ITGB8: variants seen among roughly 807,000 people sequenced by gnomAD.
ITGB8 encodes the protein integrin beta-8.
ITGB8 carries 30 observed loss-of-function variants against 89.5 expected under a neutral mutation model. The observed-to-expected ratio is 0.34, with a 90% confidence interval of 0.25 to 0.45. The LOEUF is 0.45. ITGB8 is among the 20% of genes least tolerant of loss of function. The pLI, the probability that ITGB8 is intolerant of heterozygous loss-of-function variation, is 1.00. For missense variants in ITGB8, 836 were observed against 933.3 expected, an observed-to-expected ratio of 0.90 and a Z score of 1.36; for synonymous variants, 335 against 320.4, an observed-to-expected ratio of 1.05 and a Z score of -0.49.
intron 1 of ITGB8, among the ~76,000 whole-genome samples, chr7:20,333,313 T>C (rs1167146136): frequency 1.3e-5 from 2 of 152,170 alleles, no homozygotes; most frequent in African/African-American, 4.8e-5. Context: ...GATTTCAAAA[T>C]AGTGAAAAGG....
chr7:20,385,014 C>CT (rs1174751128), intron 6 of ITGB8, among the ~76,000 whole-genome samples: 9 of 152,258 alleles, frequency 5.9e-5, no homozygotes, highest in African/African-American at 1.9e-4. Context: ...TCTAAAATGG[C>CT]AGATGTTAAT....
At chr7:20,360,915 C>CTTTTTTTTTTTT (rs1167974755) in intron 1 of ITGB8, among the ~76,000 whole-genome samples, 8 of 80,884 alleles carry the variant, frequency 9.9e-5, no homozygotes, top group Non-Finnish European at 1.4e-4. Context: ...CAACTGCAGT[C>CTTTTTTTTTTTT]TTTTTTTTTT....
chr7:20,330,825 G>C (rs777239636), upstream of ITGB8: 1 of 152,328 alleles, frequency 6.6e-6, no homozygotes, highest in Non-Finnish European at 1.5e-5. Flanking sequence ...AGCCCCCCGG[G>C]GGGCCAGAGC....
intron 1 of ITGB8, among the ~76,000 whole-genome samples, chr7:20,332,476 T>TC (rs1209939297): frequency 1.4e-5 from 2 of 141,238 alleles, no homozygotes; most frequent in African/African-American, 5.6e-5. Context: ...ATGCTTTAAG[T>TC]CATCATCCTT....
chr7:20,400,314 T>C (rs111403177), intron 9 of ITGB8, among the ~76,000 whole-genome samples: 25 of 152,292 alleles, frequency 1.6e-4, no homozygotes, highest in African/African-American at 5.3e-4. Context: ...CTCTTAATTA[T>C]AGAAACCCCA....
At position 20,331,716 on chromosome 7, in the gene ITGB8, C is replaced by A; in HGVS notation, c.-91C>A. On this transcript the variant is annotated 5_prime_UTR_variant, in exon 1 of 14. Coordinates refer to ENST00000222573, the MANE Select transcript of ITGB8 (RefSeq NM_002214.3). ...CTGCGGAAAACGTCCTAGCGACACT[C>A]GGCCCGCGGGCCCCGAGGTGCGCCC... 3 of 1,422,480 alleles carry A rather than the reference C, an allele frequency of 2.1e-6. No homozygotes were observed. Among genetic ancestry groups the A allele is most frequent in the Non-Finnish European group, 1.9e-6 (2 of 1,076,400 alleles). 88.1% of individuals were successfully genotyped at this position (1,422,480 alleles called of 1,614,324 possible).
In ITGB8 at chr7:20,412,275, G is replaced by A. The variant is rs994560752; in HGVS notation, c.*2278G>A. On this transcript the variant is annotated 3_prime_UTR_variant, in exon 14 of 14. Transcript: ENST00000222573. ...AGAGATTGACATAATTCAGTACTGT[G>A]AGTCACTTGTATAAGAAACCTTTGA... 1 of 152,576 alleles carries A rather than the reference G, an allele frequency of 6.6e-6. No homozygotes were observed. The allele number at this position is 152,576 out of a possible 1,614,324, so 9.5% of individuals were successfully genotyped here.
At chr7:20,374,679 C>G (rs960520902) in intron 3 of ITGB8, among the ~76,000 whole-genome samples, 3 of 152,082 alleles carry the variant, frequency 2.0e-5, no homozygotes, top group African/African-American at 7.2e-5. Context: ...TGGGCCACCA[C>G]AGGCAGAGGA....
At chr7:20,355,525 AT>A (rs1270977659) in intron 1 of ITGB8, among the ~76,000 whole-genome samples, 1 of 152,176 alleles carries the variant, frequency 6.6e-6, no homozygotes, top group Non-Finnish European at 1.5e-5. Flanking sequence ...ATCAAACCTA[AT>A]CACTGGACCA....
chr7:20,365,948 T>G (rs1037426767), intron 2 of ITGB8: 37 of 151,528 alleles, frequency 2.4e-4, no homozygotes, highest in African/African-American at 8.5e-4. Context: ...AACGTAAACC[T>G]GGCTTGAATA....
At chr7:20,400,892 C>T (rs6956236) in intron 9 of ITGB8, among the ~76,000 whole-genome samples, 61 of 152,158 alleles carry the variant, frequency 4.0e-4, no homozygotes, top group Non-Finnish European at 5.3e-4. Flanking sequence ...AATTTAACTC[C>T]GAAACTTTAC....
At chr7:20,351,104 G>T (rs1562658360) in intron 1 of ITGB8, among the ~76,000 whole-genome samples, 1 of 152,160 alleles carries the variant, frequency 6.6e-6, no homozygotes. Flanking sequence ...TTTAGAGTGG[G>T]AAAATAGGAT....
intron 3 of ITGB8, among the ~76,000 whole-genome samples, chr7:20,370,785 T>C (rs770141055): frequency 6.6e-6 from 1 of 152,204 alleles, no homozygotes; most frequent in Middle Eastern, 3.4e-3. Flanking sequence ...AAATTTGTTT[T>C]GTATTTTTAG....
At chr7:20,349,591 AAATT>A (rs1785044852) in intron 1 of ITGB8, among the ~76,000 whole-genome samples, 1 of 152,216 alleles carries the variant, frequency 6.6e-6, no homozygotes, top group Admixed American at 6.5e-5. Context: ...GTATTAAAAT[AAATT>A]AATCTGAATA....
chr7:20,355,975 T>A (rs1056136192), intron 1 of ITGB8, among the ~76,000 whole-genome samples: 2 of 152,234 alleles, frequency 1.3e-5, no homozygotes, highest in Admixed American at 6.5e-5. Flanking sequence ...AACAAATAGA[T>A]CCTTGCTCCC....
At chr7:20,333,152 T>C (rs755787906) in intron 1 of ITGB8, among the ~76,000 whole-genome samples, 8 of 152,186 alleles carry the variant, frequency 5.3e-5, no homozygotes, top group African/African-American at 1.7e-4. Flanking sequence ...TATATAGATA[T>C]AGAGATATAT....
chr7:20,364,195 T>G (rs1378918470), intron 2 of ITGB8, among the ~76,000 whole-genome samples: 1 of 152,206 alleles, frequency 6.6e-6, no homozygotes, highest in African/African-American at 2.4e-5. Flanking sequence ...GTTTTGTGTT[T>G]TCTTCTTTTG....
At chr7:20,375,464 G>T (rs555786857) in intron 3 of ITGB8, among the ~76,000 whole-genome samples, 1 of 152,026 alleles carries the variant, frequency 6.6e-6, no homozygotes, top group Non-Finnish European at 1.5e-5. Flanking sequence ...ACATTTACTT[G>T]TATTCCAAAA....
chr7:20,380,945 A>G (rs1786353781), intron 5 of ITGB8, 114 bp downstream of exon 5: 3 of 874,320 alleles, frequency 3.4e-6, no homozygotes, highest in South Asian at 1.7e-5. Context: ...AAGAAAACAT[A>G]TCTTACTATC....
Sources: gnomAD v4.1 joint callset for allele counts (sites outside exome capture counted in the v4.1 genomes callset) on GRCh38, gnomAD v4.1.1 for gene constraint, MANE v1.5 for transcripts, NCBI Gene and HGNC (gene_info 2026-07-23, HGNC 2026-07-21) for gene names.